C10orf105: variants seen among roughly 807,000 people sequenced by gnomAD.
C10orf105 encodes uncharacterized protein C10orf105.
A neutral mutation model predicts 0.6 loss-of-function variants in C10orf105; 2 were observed. The observed-to-expected ratio is 3.18, with a 90% confidence interval of 1.30 to 10.01. The LOEUF (loss-of-function observed/expected upper bound fraction) is 10.01, where lower values mean the gene tolerates loss of function less well. Among genes scored for constraint, C10orf105 ranks in the 30% most tolerant of loss-of-function variants. The pLI, the probability that C10orf105 is intolerant of heterozygous loss-of-function variation, is 0.04. For missense variants in C10orf105, 209 were observed against 191.4 expected (o/e 1.09, Z -0.54); for synonymous variants, 95 against 82.4 (o/e 1.15, Z -0.83).
upstream of C10orf105, chr10:71,723,908 C>T: frequency 1.1e-6 from 1 of 943,678 alleles, no homozygotes; most frequent in South Asian, 1.4e-5. Context: ...TCTCCCACAC[C>T]CCCAGCCTCT....
chr10:71,727,669 A>T (rs114759099), intron 1 of C10orf105, among the ~76,000 whole-genome samples: 178 of 152,216 alleles, frequency 1.2e-3, no homozygotes, highest in African/African-American at 4.0e-3. Flanking sequence ...ACATACACAC[A>T]CACACACGCA....
chr10:71,730,433 C>G (rs755657234), intron 1 of C10orf105: 14 of 1,608,818 alleles, frequency 8.7e-6, no homozygotes, highest in Middle Eastern at 4.0e-4. Context: ...GCCTCCACCC[C>G]ACCCTGACCT....
upstream of C10orf105, among the ~76,000 whole-genome samples, chr10:71,723,117 C>T (rs1459523982): frequency 6.6e-6 from 1 of 152,078 alleles, no homozygotes; most frequent in Non-Finnish European, 1.5e-5. Flanking sequence ...GGTGGTGAGA[C>T]AAGAAGGGGC....
In C10orf105 at chr10:71,716,103, G is replaced by C. The variant is rs1866214268; in HGVS notation, c.235C>G (p.Pro79Ala). ...RRAHECMPHHPGSPSEPQLRL... is the reference protein window; with the variant it reads ...RRAHECMPHHAGSPSEPQLRL... Reference sequence around the variant, plus strand: ...AGCTGGGGCTCACTGGGGCTCCCAGGGTGGTGGGGCATGCACTCGTGAGCC... The same window carrying C: ...AGCTGGGGCTCACTGGGGCTCCCAGCGTGGTGGGGCATGCACTCGTGAGCC... The change falls in exon 2 of 2, where the codon CCT (proline) becomes GCT (alanine). Residue 79 changes from proline to alanine, a missense_variant. Coordinates refer to ENST00000441508, the MANE Select transcript of C10orf105 (RefSeq NM_001164375.3). 2.2e-5 allele frequency: 34 copies of C among 1,540,466 alleles called. No individual in the cohort carries two copies. The highest frequency in any genetic ancestry group is 3.0e-5 in the Non-Finnish European group (34 of 1,140,440).
At chr10:71,731,663 C>T (rs1839389615) in intron 1 of C10orf105, among the ~76,000 whole-genome samples, 1 of 152,146 alleles carries the variant, frequency 6.6e-6, no homozygotes, top group African/African-American at 2.4e-5. Flanking sequence ...TCATTTCCCC[C>T]AATGCTTGTA....
intron 1 of C10orf105, among the ~76,000 whole-genome samples, chr10:71,729,059 G>T (rs957282982): frequency 6.6e-5 from 10 of 151,976 alleles, no homozygotes; most frequent in Non-Finnish European, 1.0e-4. Flanking sequence ...GGTCTCGAAT[G>T]CCTGGGCTCA....
chr10:71,736,738 C>G (rs1213341113), intron 1 of C10orf105, among the ~76,000 whole-genome samples: 1 of 152,218 alleles, frequency 6.6e-6, no homozygotes, highest in Non-Finnish European at 1.5e-5. Context: ...AGGCACTAGG[C>G]TGGGTTCAGG....
chr10:71,725,293 C>T (rs1004575211), intron 1 of C10orf105: 35 of 1,598,714 alleles, frequency 2.2e-5, no homozygotes, highest in Middle Eastern at 3.3e-4. Flanking sequence ...TGAACTTCTG[C>T]CCCCAACCAT....
chr10:71,735,412 G>A (rs1829660155), intron 1 of C10orf105, among the ~76,000 whole-genome samples: 1 of 152,168 alleles, frequency 6.6e-6, no homozygotes, highest in South Asian at 2.1e-4. Flanking sequence ...GGAGAGGCAG[G>A]CAGGGGAGCT....
intron 1 of C10orf105, chr10:71,732,034 A>C: frequency 6.2e-7 from 1 of 1,613,880 alleles, no homozygotes; most frequent in South Asian, 1.1e-5. Flanking sequence ...CGCAGAGGGG[A>C]AGTTTGAGAT....
At chr10:71,734,137 T>G (rs1839482040) in intron 1 of C10orf105, 2 of 926,516 alleles carry the variant, frequency 2.2e-6, no homozygotes, top group Non-Finnish European at 1.7e-6. Flanking sequence ...GGGGAAGTTA[T>G]GCCGGACAGA....
chr10:71,724,139 C>T, upstream of C10orf105: 1 of 1,550,308 alleles, frequency 6.5e-7, no homozygotes, highest in South Asian at 1.2e-5. Flanking sequence ...GGGGGCGGTC[C>T]TCCTGCCCAG....
intron 1 of C10orf105, chr10:71,731,932 G>A: frequency 3.9e-6 from 6 of 1,558,066 alleles, no homozygotes; most frequent in African/African-American, 1.3e-5. Context: ...AGAAGCCACA[G>A]CGCAGCCCCA....
intron 1 of C10orf105, among the ~76,000 whole-genome samples, chr10:71,733,687 C>T (rs1227064): frequency 0.78 from 118,376 of 152,226 alleles, 46,218 homozygotes; most frequent in East Asian, 0.83. Flanking sequence ...GACATAAATG[C>T]TGGGCTTCAT....
Position 71,732,123 on chromosome 10 carries a change from G to C in C10orf105, c.-6+5605C>G, listed in dbSNP as rs372172457. ...AGACCAGCTACATGATGAATGTGTCGGCCACTGACCAGGCCCCGCCCTTCA... is the reference window on the plus strand; with the variant it reads ...AGACCAGCTACATGATGAATGTGTCCGCCACTGACCAGGCCCCGCCCTTCA... On this transcript the variant is annotated intron_variant, in intron 1 of 1. Transcript: ENST00000398786. 3.7e-6 allele frequency: 6 copies of C among 1,613,842 alleles called. No individual in the cohort carries two copies. Among genetic ancestry groups the C allele is most frequent in the African/African-American group, 2.7e-5 (2 of 74,914 alleles).
intron 1 of C10orf105, chr10:71,734,257 G>C: frequency 6.2e-7 from 1 of 1,611,234 alleles, no homozygotes; most frequent in Non-Finnish European, 8.5e-7. Flanking sequence ...TCACAGTCCA[G>C]GGCCTGGTGG....
chr10:71,723,793 G>A (rs951461093), upstream of C10orf105, among the ~76,000 whole-genome samples: 1 of 152,136 alleles, frequency 6.6e-6, no homozygotes, highest in Non-Finnish European at 1.5e-5. Flanking sequence ...GCCTCCCTGC[G>A]AACCTGGAGG....
In C10orf105 at chr10:71,715,330, T is replaced by C. The variant is rs1866160457; in HGVS notation, c.*606A>G. The C allele has an allele frequency of 6.6e-6, 1 of 152,162 alleles. No homozygotes were observed. The highest frequency in any genetic ancestry group is 1.5e-5 in the Non-Finnish European group (1 of 68,046). 9.4% of individuals were successfully genotyped at this position (152,162 alleles called of 1,614,324 possible). A position where few individuals can be genotyped will look rare whatever the true frequency, so the allele number is the denominator to read the frequency against. Reference sequence around the variant, plus strand: ...AAGACCATGCTTGGAGAGCCCTGTTTGCTCCTCCTCCCAGCTGGCACCCAG... The same window carrying C: ...AAGACCATGCTTGGAGAGCCCTGTTCGCTCCTCCTCCCAGCTGGCACCCAG... On this transcript the variant is annotated 3_prime_UTR_variant, in exon 2 of 2. Coordinates refer to ENST00000441508, the MANE Select transcript of C10orf105 (RefSeq NM_001164375.3).
At chr10:71,734,054 A>G (rs1839477739) in intron 1 of C10orf105, among the ~76,000 whole-genome samples, 1 of 152,216 alleles carries the variant, frequency 6.6e-6, no homozygotes, top group Admixed American at 6.5e-5. Context: ...GGGAAGCAGG[A>G]AGGCTTCATG....
Sources: gnomAD v4.1 joint callset for allele counts (sites outside exome capture counted in the v4.1 genomes callset) on GRCh38, gnomAD v4.1.1 for gene constraint, MANE v1.5 for transcripts, NCBI Gene and HGNC (gene_info 2026-07-23, HGNC 2026-07-21) for gene names.